The following NELL1 variants were observed in gnomAD, a reference collection of about 807,000 sequenced individuals.
The protein encoded by NELL1 is neural EGFL like 1.
In NELL1, 76 loss-of-function variants were observed where a neutral mutation model predicts 107.4. The observed-to-expected ratio is 0.71, with a 90% CI of 0.59 to 0.86. The LOEUF is 0.86. Among genes scored for constraint, NELL1 ranks in the 40% least tolerant of loss-of-function variants. The pLI is 0.00. For synonymous variants in NELL1, 353 were observed against 341.2 expected, an observed-to-expected ratio of 1.03 and a Z score of -0.38; for missense variants, 1,024 against 1,005.5, an observed-to-expected ratio of 1.02 and a Z score of -0.25.
At chr11:21,163,901 G>A (rs188897355) in intron 13 of NELL1, among the ~76,000 whole-genome samples, 2 of 152,100 alleles carry the variant, frequency 1.3e-5, no homozygotes, top group East Asian at 1.9e-4. Context: ...TATGAATTTT[G>A]AGGGGGGTGG....
intron 14 of NELL1, among the ~76,000 whole-genome samples, chr11:21,362,268 G>A (rs899818825): frequency 2.0e-5 from 3 of 152,098 alleles, no homozygotes; most frequent in Non-Finnish European, 4.4e-5. Context: ...TGGCTCTTTT[G>A]GTTCTAGCCA....
chr11:20,759,514 G>C (rs1590268091), intron 2 of NELL1, among the ~76,000 whole-genome samples: 1 of 152,198 alleles, frequency 6.6e-6, no homozygotes, highest in Non-Finnish European at 1.5e-5. Context: ...TTCTGTCCAA[G>C]CATAACCTCT....
chr11:21,114,593 A>C (rs1855187856), intron 13 of NELL1, among the ~76,000 whole-genome samples: 1 of 151,948 alleles, frequency 6.6e-6, no homozygotes, highest in African/African-American at 2.4e-5. Flanking sequence ...AAGTGCAAAA[A>C]GTTGCAAAAG....
intron 2 of NELL1, among the ~76,000 whole-genome samples, chr11:20,716,585 A>G (rs1244777070): frequency 6.6e-6 from 1 of 152,214 alleles, no homozygotes; most frequent in African/African-American, 2.4e-5. Flanking sequence ...GCATGCTTAC[A>G]TATTACCACG....
intron 3 of NELL1, among the ~76,000 whole-genome samples, chr11:20,846,930 T>A (rs2134056504): frequency 6.6e-6 from 1 of 152,330 alleles, no homozygotes; most frequent in South Asian, 2.1e-4. Flanking sequence ...GTGGTAAGGC[T>A]AAGAATTTCT....
intron 3 of NELL1, among the ~76,000 whole-genome samples, chr11:20,785,073 G>C (rs1047828687): frequency 1.3e-5 from 2 of 152,182 alleles, no homozygotes; most frequent in Non-Finnish European, 2.9e-5. Context: ...AAGGGAAGAA[G>C]GGTGTTACAT....
At chr11:21,471,972 G>T (rs945830360) in intron 15 of NELL1, among the ~76,000 whole-genome samples, 1 of 151,894 alleles carries the variant, frequency 6.6e-6, no homozygotes. Context: ...AAAGAAACAA[G>T]GTACAGTACA....
chr11:20,759,166 T>C (rs1856363575), intron 2 of NELL1, among the ~76,000 whole-genome samples: 1 of 152,252 alleles, frequency 6.6e-6, no homozygotes, highest in African/African-American at 2.4e-5. Flanking sequence ...TATCTAAATG[T>C]ATCTCCATTG....
In NELL1 at chr11:21,142,634, C is replaced by T. The variant is rs1031586666; in HGVS notation, c.1426+28920C>T. On this transcript the variant is annotated intron_variant, in intron 13 of 19. Coordinates refer to ENST00000357134, the MANE Select transcript of NELL1 (RefSeq NM_006157.5). ...TAGTGTGGTTCTGAAGTAATAGAAGCTTTGTGATTCTACAGCCTCCTGATG... is the reference window on the plus strand; with the variant it reads ...TAGTGTGGTTCTGAAGTAATAGAAGTTTTGTGATTCTACAGCCTCCTGATG... Among the ~76,000 whole-genome samples the T allele has an allele frequency of 1.1e-4, 17 of 152,260 alleles. No individual in the cohort carries two copies. The South Asian group carries it at 2.3e-3, about 20-fold the overall frequency.
At chr11:21,498,211 T>C (rs1855035047) in intron 15 of NELL1, among the ~76,000 whole-genome samples, 1 of 151,418 alleles carries the variant, frequency 6.6e-6, no homozygotes, top group Non-Finnish European at 1.5e-5. Flanking sequence ...TTTTATATTC[T>C]TTCTTGACTC....
At chr11:21,429,044 A>C (rs887864428) in intron 15 of NELL1, among the ~76,000 whole-genome samples, 2 of 152,172 alleles carry the variant, frequency 1.3e-5, no homozygotes, top group African/African-American at 4.8e-5. Flanking sequence ...TGAGGCTTTA[A>C]ATAATAGACC....
chr11:20,830,815 T>C (rs1018371124), intron 3 of NELL1, among the ~76,000 whole-genome samples: 1 of 152,168 alleles, frequency 6.6e-6, no homozygotes. Flanking sequence ...TTTTCCAGTC[T>C]CAGGATAGCG....
chr11:21,425,970 T>G (rs1852811182), intron 15 of NELL1, among the ~76,000 whole-genome samples: 1 of 152,132 alleles, frequency 6.6e-6, no homozygotes, highest in African/African-American at 2.4e-5. Flanking sequence ...AAAATGTAGC[T>G]AAAAGAGTGA....
intron 12 of NELL1, among the ~76,000 whole-genome samples, chr11:21,093,422 A>G (rs953055245): frequency 7.9e-5 from 12 of 152,108 alleles, no homozygotes; most frequent in South Asian, 2.1e-4. Flanking sequence ...CTAGCATTCA[A>G]TTTGGTCCCC....
intron 14 of NELL1, among the ~76,000 whole-genome samples, chr11:21,349,487 T>G (rs984370994): frequency 2.0e-5 from 3 of 152,130 alleles, no homozygotes; most frequent in Admixed American, 1.3e-4. Context: ...AAATTCATGG[T>G]GTTATGGTTA....
chr11:20,973,249 T>G (rs1279107968), intron 12 of NELL1, among the ~76,000 whole-genome samples: 1 of 151,824 alleles, frequency 6.6e-6, no homozygotes, highest in Non-Finnish European at 1.5e-5. Context: ...GCTGGGATTA[T>G]AGGCATGCAC....
intron 9 of NELL1, among the ~76,000 whole-genome samples, chr11:20,930,154 A>G (rs1224722586): frequency 6.6e-6 from 1 of 152,140 alleles, no homozygotes; most frequent in Non-Finnish European, 1.5e-5. Flanking sequence ...CGTTTTTTTA[A>G]AATTATAAAA....
intron 2 of NELL1, among the ~76,000 whole-genome samples, chr11:20,727,901 A>C (rs1365010046): frequency 6.6e-6 from 1 of 152,166 alleles, no homozygotes; most frequent in African/African-American, 2.4e-5. Context: ...CAGTGATTGC[A>C]CTAATTTACA....
intron 13 of NELL1, among the ~76,000 whole-genome samples, chr11:21,166,806 T>G (rs1395185365): frequency 6.6e-6 from 1 of 151,788 alleles, no homozygotes; most frequent in East Asian, 1.9e-4. Context: ...AAGAAACAAA[T>G]AAAATGCTAG....
Sources: allele counts gnomAD v4.1 joint callset (sites outside exome capture counted in the v4.1 genomes callset), GRCh38; gene constraint gnomAD v4.1.1; transcripts MANE v1.5; gene names NCBI Gene and HGNC (gene_info 2026-07-23, HGNC 2026-07-21).